PIK3IP1: variants seen among roughly 807,000 people sequenced by gnomAD.
PIK3IP1 encodes phosphoinositide-3-kinase interacting protein 1.
Under a neutral mutation model 30.7 loss-of-function variants are expected in PIK3IP1, and 28 were observed. That is an observed-to-expected ratio of 0.91 (90% CI 0.68 to 1.25). PIK3IP1 has a LOEUF of 1.25. PIK3IP1 is among the 50% of genes most tolerant of loss of function. PIK3IP1 has a pLI of 0.00. For missense variants in PIK3IP1, 333 were observed against 346.2 expected (o/e 0.96, Z 0.30); for synonymous variants, 159 against 140.8 (o/e 1.13, Z -0.91).
intron 3 of PIK3IP1, 150 bp downstream of exon 3, chr22:31,290,815 C>T: frequency 8.3e-7 from 1 of 1,211,684 alleles, no homozygotes; most frequent in Non-Finnish European, 1.1e-6. Context: ...GGCTTTGAGC[C>T]CCGCGGCCTG....
intron 1 of PIK3IP1, 73 bp downstream of exon 1, chr22:31,292,202 T>C: frequency 6.9e-7 from 1 of 1,458,506 alleles, no homozygotes; most frequent in South Asian, 1.1e-5. Flanking sequence ...ATCCTGGCCC[T>C]GTTTGGGAAA....
rs577263325 is a variant in PIK3IP1 at position 31,282,778 on chromosome 22, C to T, written c.*306G>A. 5.3e-3 allele frequency: 1,843 copies of T among 345,032 alleles called. 17 individuals are homozygous for T. Among genetic ancestry groups the T allele is most frequent in the South Asian group, 0.014 (345 of 23,908 alleles). 21.4% of individuals were successfully genotyped at this position (345,032 alleles called of 1,614,324 possible). On this transcript the variant is annotated 3_prime_UTR_variant, in exon 6 of 6. Transcript: ENST00000215912. ...GGGAGCTCCCCGTCTATCCCTGGTTCAGTTCCAGGGGTGCAGGCAATGTTT... is the reference window on the plus strand; with the variant it reads ...GGGAGCTCCCCGTCTATCCCTGGTTTAGTTCCAGGGGTGCAGGCAATGTTT...
chr22:31,291,482 A>G (rs1472889934), intron 1 of PIK3IP1, among the ~76,000 whole-genome samples, 186 bp from the exon 2 acceptor site: 1 of 19,362 alleles, frequency 5.2e-5, no homozygotes. Context: ...CCCCCCCCCC[A>G]ACTCCACGCA....
intron 1 of PIK3IP1, among the ~76,000 whole-genome samples, 171 bp from the exon 2 acceptor site, chr22:31,291,467 GCAC>G (rs757940208): frequency 7.2e-4 from 19 of 26,236 alleles, no homozygotes; most frequent in South Asian, 2.7e-3. Flanking sequence ...CACGCCCCAC[GCAC>G]CCCCCCCCCC....
intron 5 of PIK3IP1, among the ~76,000 whole-genome samples, chr22:31,287,911 AAGC>A (rs2049143975): frequency 6.6e-6 from 1 of 152,140 alleles, no homozygotes; most frequent in Non-Finnish European, 1.5e-5. Flanking sequence ...TTATGAGTTA[AAGC>A]ATGTGCTTCA....
chr22:31,289,348 C>G lies in PIK3IP1; in HGVS notation c.554G>C (p.Gly185Ala). 6.2e-7 allele frequency: 1 copy of G among 1,613,836 alleles called. No homozygotes were observed. The highest frequency in any genetic ancestry group is 8.5e-7 in the Non-Finnish European group (1 of 1,179,888). The change falls in exon 5 of 6, where the codon GGA (glycine) becomes GCA (alanine). Residue 185 changes from glycine (G) to alanine (A), a missense_variant. Around this residue, in one of 3 missense-constraint regions of PIK3IP1, gnomAD observed 217 missense variants for 227.7 expected, o/e 0.95. Transcript: ENST00000215912. ...ITMMVIIIAI[G>A]AGIILGYSYK... ...GGAGTAGCCCAAGATGATGCCAGCT[C>G]CGATGGCAATGATGATCACCATCAT...
chr22:31,292,260 A>G lies in PIK3IP1; in HGVS notation c.70+15T>C. Reference sequence around the variant, plus strand: ...TTCATGAAGTTGCTGCGGAAAGGAAAGATTGTAATCTCACCTCCAGATCCA... The same window carrying G: ...TTCATGAAGTTGCTGCGGAAAGGAAGGATTGTAATCTCACCTCCAGATCCA... On this transcript the variant is annotated intron_variant, in intron 1 of 5. Coordinates refer to ENST00000215912, the MANE Select transcript of PIK3IP1 (RefSeq NM_052880.5). The G allele has an allele frequency of 6.2e-7, 1 of 1,613,350 alleles. No homozygotes were observed. The highest frequency in any genetic ancestry group is 8.5e-7 in the Non-Finnish European group (1 of 1,179,298).
chr22:31,289,801 A>G, intron 3 of PIK3IP1, 102 bp from the exon 4 acceptor site: 1 of 1,274,490 alleles, frequency 7.8e-7, no homozygotes, highest in Non-Finnish European at 1.1e-6. Flanking sequence ...TGGGTCACCT[A>G]AGAATTTCCC....
Position 31,292,429 on chromosome 22 carries a change from G to T in PIK3IP1, c.-85C>A. On this transcript the variant is annotated 5_prime_UTR_variant, in exon 1 of 6. In the 5' UTR this introduces an upstream ATG that the reference lacks. Coordinates refer to ENST00000215912, the MANE Select transcript of PIK3IP1 (RefSeq NM_052880.5). ...GCGGCGGCTCTGCCTCCCAGTCCCA[G>T]CCTTGCAGTCAGACCTGCCCTTGTT... is the stretch of plus-strand genomic sequence containing the variant. 1.7e-6 allele frequency: 2 copies of T among 1,151,292 alleles called. No homozygotes were observed. The highest frequency in any genetic ancestry group is 2.6e-6 in the Non-Finnish European group (2 of 760,694). The allele number at this position is 1,151,292 out of a possible 1,614,324, so 71.3% of individuals were successfully genotyped here.
chr22:31,291,632 GGAGGAGGAGATGGA>G (rs987502625), intron 1 of PIK3IP1, among the ~76,000 whole-genome samples: 2 of 152,216 alleles, frequency 1.3e-5, no homozygotes, highest in Non-Finnish European at 2.9e-5. Flanking sequence ...TGACCACTTT[GGAGGAGGAGATGGA>G]GAGGAGGAGG....
Position 31,291,184 on chromosome 22 carries a change from C to T in PIK3IP1, c.183G>A (p.Val61=), listed in dbSNP as rs1462555058. 3.2e-6 allele frequency: 5 copies of T among 1,546,578 alleles called. No homozygotes were observed. The highest frequency in any genetic ancestry group is 8.7e-7 in the Non-Finnish European group (1 of 1,145,300). The change falls in exon 2 of 6, where the codon GTG becomes GTA. Residue 61 remains valine (V), a synonymous_variant. Transcript: ENST00000215912. ...DAQSGLASAP[V]SGAGNHSYCR... Reference sequence around the variant, plus strand: ...CGTCCCCCGGAGGACACTTACCCGACACGGGGGCCGAGGCCAGCCCGCTCT... The same window carrying T: ...CGTCCCCCGGAGGACACTTACCCGATACGGGGGCCGAGGCCAGCCCGCTCT...
At chr22:31,284,614 G>A (rs1037753940) in intron 5 of PIK3IP1, among the ~76,000 whole-genome samples, 4 of 152,158 alleles carry the variant, frequency 2.6e-5, no homozygotes, top group African/African-American at 9.7e-5. Context: ...TGGGGGTAGG[G>A]GGTGGTTAGC....
chr22:31,292,159 A>C, intron 1 of PIK3IP1, 116 bp downstream of exon 1: 2 of 1,010,882 alleles, frequency 2.0e-6, no homozygotes, highest in Non-Finnish European at 3.0e-6. Context: ...TTCACGGGAC[A>C]ACAGAAACCG....
Position 31,283,039 on chromosome 22 carries a change from T to C in PIK3IP1, c.*45A>G. On this transcript the variant is annotated 3_prime_UTR_variant, in exon 6 of 6. Coordinates refer to ENST00000215912, the MANE Select transcript of PIK3IP1 (RefSeq NM_052880.5). ...TCCTCCTAGCTGTAGGAGGGTGGGC[T>C]GTCCTGCACCAGTGTCTGCATGGGC... 1 of 1,471,582 alleles carries C rather than the reference T, an allele frequency of 6.8e-7. No individual in the cohort carries two copies. The highest frequency in any genetic ancestry group is 9.3e-7 in the Non-Finnish European group (1 of 1,077,328). The allele number at this position is 1,471,582 out of a possible 1,614,324, so 91.2% of individuals were successfully genotyped here.
At position 31,282,966 on chromosome 22, in the gene PIK3IP1, A is replaced by T; in HGVS notation, c.*118T>A. 1 of 792,534 alleles carries T rather than the reference A, an allele frequency of 1.3e-6. No individual in the cohort carries two copies. Among genetic ancestry groups the T allele is most frequent in the Non-Finnish European group, 2.0e-6 (1 of 507,044 alleles). 49.1% of individuals were successfully genotyped at this position (792,534 alleles called of 1,614,324 possible). ...CTGTCACTCTTACTAGGATTCGCCA[A>T]AAAAGCGGGGGAGTGGTAGGGTTTT... On this transcript the variant is annotated 3_prime_UTR_variant, in exon 6 of 6. Coordinates refer to ENST00000215912, the MANE Select transcript of PIK3IP1 (RefSeq NM_052880.5).
At chr22:31,290,766 C>G (rs928371023) in intron 3 of PIK3IP1, 199 bp downstream of exon 3, 31 of 739,800 alleles carry the variant, frequency 4.2e-5, no homozygotes, top group Admixed American at 1.2e-4. Context: ...CAAGCGCTCG[C>G]GGCGGATGAG....
chr22:31,287,348 T>C (rs2049139803), intron 5 of PIK3IP1, among the ~76,000 whole-genome samples: 1 of 140,924 alleles, frequency 7.1e-6, no homozygotes, highest in Admixed American at 7.5e-5. Context: ...TTTTTTTTTT[T>C]GAGACGGAGT....
At chr22:31,284,090 GATGGGGTTTCT>G (rs1569010286) in intron 5 of PIK3IP1, among the ~76,000 whole-genome samples, 1 of 152,100 alleles carries the variant, frequency 6.6e-6, no homozygotes, top group Non-Finnish European at 1.5e-5. Context: ...TTTTAGTAGA[GATGGGGTTTCT>G]CCATGGTGGT....
rs991883861 is a variant in PIK3IP1 at position 31,291,479 on chromosome 22, C to G, written c.71-183G>C. Among the ~76,000 whole-genome samples the G allele has an allele frequency of 3.5e-5, 5 of 141,984 alleles. No individual in the cohort carries two copies. In the East Asian group the frequency reaches 9.9e-4, roughly 28 times the overall value. The allele number at this position is 141,984 out of a possible 152,430, so 93.1% of individuals were successfully genotyped here. ...CCCCACGCCCCACGCACCCCCCCCC[C>G]CCAACTCCACGCACACCTCAGGGTG... On this transcript the variant is annotated intron_variant, in intron 1 of 5. Coordinates refer to ENST00000215912, the MANE Select transcript of PIK3IP1 (RefSeq NM_052880.5).
Sources: allele counts gnomAD v4.1 joint callset (sites outside exome capture counted in the v4.1 genomes callset), GRCh38; gene constraint gnomAD v4.1.1; regional missense constraint gnomAD v4.1.1; transcripts MANE v1.5; gene names NCBI Gene and HGNC (gene_info 2026-07-23, HGNC 2026-07-21).